The following TMEM268 variants were observed in gnomAD, a reference collection of about 807,000 sequenced individuals.
TMEM268 encodes transmembrane protein 268, also known as transmembrane protein C9orf91.
A neutral mutation model predicts 39.1 loss-of-function variants in TMEM268; 24 were observed. That is an observed-to-expected ratio of 0.61 (90% CI 0.44 to 0.86). The LOEUF (loss-of-function observed/expected upper bound fraction) is 0.86. Among genes scored for constraint, TMEM268 ranks in the 40% least tolerant of loss-of-function variants. The pLI, the probability that TMEM268 is intolerant of heterozygous loss-of-function variation, is 0.00. For missense variants in TMEM268, 409 were observed against 428.6 expected, an observed-to-expected ratio of 0.95 and a Z score of 0.40; for synonymous variants, 176 against 173.5, an observed-to-expected ratio of 1.01 and a Z score of -0.12.
intron 5 of TMEM268, among the ~76,000 whole-genome samples, chr9:114,629,673 A>G (rs1846307231): frequency 6.6e-6 from 1 of 152,156 alleles, no homozygotes; most frequent in African/African-American, 2.4e-5. Flanking sequence ...CTTTCCACCT[A>G]CTTGGGAAGC....
Position 114,624,454 on chromosome 9 carries a change from A to G in TMEM268, c.211A>G (p.Ile71Val), listed in dbSNP as rs1475024091. The change falls in exon 3 of 9, where the codon ATC becomes GTC. Residue 71 changes from isoleucine (I) to valine (V), a missense_variant. By Grantham distance (29) the Ile-to-Val change is conservative (BLOSUM62 3). Transcript: ENST00000288502. ...AGAAGAGCAACTGCAAACTTGGGGC[A>G]TCCAGGTGAGTGCTGATTTCCTTGA... ...AAEEQLQTWG[I>V]QVPADQYRSL... is the part of the protein sequence containing the mutation. 6.4e-7 allele frequency: 1 copy of G among 1,572,360 alleles called. No individual in the cohort carries two copies. The highest frequency in any genetic ancestry group is 1.8e-5 in the Admixed American group (1 of 54,166).
chr9:114,645,887 C>A lies in TMEM268; in HGVS notation c.*2574C>A, dbSNP rs527727443. On this transcript the variant is annotated 3_prime_UTR_variant, in exon 9 of 9. Transcript: ENST00000288502. Reference sequence around the variant, plus strand: ...ATCCCTATGATCTCTGTCTCACCTACTTTACAGGGTTGCTGTGAAGATCGC... The same window carrying A: ...ATCCCTATGATCTCTGTCTCACCTAATTTACAGGGTTGCTGTGAAGATCGC... The A allele has an allele frequency of 6.6e-6, 1 of 152,370 alleles. No individual in the cohort carries two copies. Among genetic ancestry groups the A allele is most frequent in the African/African-American group, 2.4e-5 (1 of 41,574 alleles). 9.4% of individuals were successfully genotyped at this position (152,370 alleles called of 1,614,324 possible). A position where few individuals can be genotyped will look rare whatever the true frequency, so the allele number is the denominator to read the frequency against.
Position 114,628,210 on chromosome 9 carries a change from C to G in TMEM268, c.434C>G (p.Thr145Ser). The change falls in exon 5 of 9, where the codon ACC (threonine) becomes AGC (serine). Residue 145 changes from threonine to serine, a missense_variant. Thr to Ser is a moderately conservative substitution (Grantham distance 58, BLOSUM62 1). Coordinates refer to ENST00000288502, the MANE Select transcript of TMEM268 (RefSeq NM_153045.4). ...GTGACCCTGGCCGCGGTGAGCCTGA[C>G]CTTGACTCTTGTGCTGGTCTTTGAA... ...LLVTLAAVSL[T>S]LTLVLVFERH... 1.2e-6 allele frequency: 2 copies of G among 1,614,184 alleles called. No individual in the cohort carries two copies. The highest frequency in any genetic ancestry group is 1.7e-6 in the Non-Finnish European group (2 of 1,180,044).
intron 8 of TMEM268, among the ~76,000 whole-genome samples, chr9:114,641,170 C>T (rs138348901): frequency 0.014 from 2,176 of 152,194 alleles, 94 homozygotes; most frequent in South Asian, 0.078. Context: ...GCCACCGCGC[C>T]CGGCCTCTAT....
chr9:114,609,824 G>A (rs1265240398), upstream of TMEM268, among the ~76,000 whole-genome samples: 1 of 136,046 alleles, frequency 7.4e-6, no homozygotes, highest in Non-Finnish European at 1.6e-5. Context: ...AAGAAACAAA[G>A]AAAGAAAGAG....
chr9:114,639,750 T>A (rs1168776124), intron 8 of TMEM268, among the ~76,000 whole-genome samples: 1 of 150,268 alleles, frequency 6.7e-6, no homozygotes, highest in Non-Finnish European at 1.5e-5. Flanking sequence ...GAACATGCGG[T>A]GGCTCGTGCC....
At chr9:114,641,011 G>T (rs1273766743) in intron 8 of TMEM268, among the ~76,000 whole-genome samples, 1 of 152,064 alleles carries the variant, frequency 6.6e-6, no homozygotes, top group Non-Finnish European at 1.5e-5. Flanking sequence ...AAGTAGCTAG[G>T]ATTACAGGCG....
chr9:114,611,781 C>T (rs912735041), intron 1 of TMEM268, among the ~76,000 whole-genome samples: 3 of 152,182 alleles, frequency 2.0e-5, no homozygotes, highest in Non-Finnish European at 4.4e-5. Context: ...TCTGACAAGC[C>T]TCCTGGGGGC....
At chr9:114,642,343 T>C (rs1177692706) in intron 8 of TMEM268, among the ~76,000 whole-genome samples, 2 of 149,040 alleles carry the variant, frequency 1.3e-5, no homozygotes, top group Non-Finnish European at 3.0e-5. Flanking sequence ...CTTTTTTCCC[T>C]TTTTTATGTT....
In TMEM268 at chr9:114,643,202, C is replaced by T. The variant is rs747279767; in HGVS notation, c.918C>T (p.Leu306=). The T allele has an allele frequency of 6.2e-7, 1 of 1,614,212 alleles. No individual in the cohort carries two copies. The highest frequency in any genetic ancestry group is 1.1e-5 in the South Asian group (1 of 91,086). The change falls in exon 9 of 9, where the codon CTC becomes CTT. Residue 306 remains leucine, a synonymous_variant. Coordinates refer to ENST00000288502, the MANE Select transcript of TMEM268 (RefSeq NM_153045.4). ...TCCGGCTTCTAGTGACCTCCCAGCT[C>T]CCTCAGGCAATGGGGACACGACACA... ...YYIRLLVTSQ[L]PQAMGTRHTN... is the part of the protein sequence containing the mutation.
In TMEM268 at chr9:114,631,676, C is replaced by G. The variant is rs191588135; in HGVS notation, c.475-2092C>G. On this transcript the variant is annotated intron_variant, in intron 5 of 8. Transcript: ENST00000288502. Reference sequence around the variant, plus strand: ...ATACAGATTTCTAGAAGGAAGAAATCCACATCAAATCCAAATCCACATCCA... The same window carrying G: ...ATACAGATTTCTAGAAGGAAGAAATGCACATCAAATCCAAATCCACATCCA... Among the ~76,000 whole-genome samples the G allele has an allele frequency of 3.7e-3, 561 of 152,224 alleles. 1 individual carries two copies. Among genetic ancestry groups the G allele is most frequent in the Non-Finnish European group, 5.5e-3 (371 of 68,002 alleles).
At chr9:114,633,616 G>A (rs1428073151) in intron 5 of TMEM268, 152 bp from the exon 6 acceptor site, 3 of 443,266 alleles carry the variant, frequency 6.8e-6, no homozygotes, top group Non-Finnish European at 1.2e-5. Flanking sequence ...CTCCACCCCC[G>A]ACCATTTAAT....
In TMEM268 at chr9:114,633,826, G is replaced by A. The variant is rs370841063; in HGVS notation, c.533G>A (p.Arg178Gln). Residue 178 changes from arginine to glutamine, a missense_variant, in exon 6 of 9, where the codon CGG becomes CAG. Coordinates refer to ENST00000288502, the MANE Select transcript of TMEM268 (RefSeq NM_153045.4). ...AAANGALLRH[R>Q]VLLGVTDTVE... ...GCCAATGGAGCCCTCCTGAGACACC[G>A]GGTGCTGCTGGGGGTGACAGACACA... 2.9e-5 allele frequency: 46 copies of A among 1,607,046 alleles called. No individual in the cohort carries two copies. Among genetic ancestry groups the A allele is most frequent in the Non-Finnish European group, 3.7e-5 (43 of 1,176,828 alleles).
chr9:114,621,597 GTT>G (rs1440416450), intron 2 of TMEM268, among the ~76,000 whole-genome samples: 1 of 152,158 alleles, frequency 6.6e-6, no homozygotes, highest in Non-Finnish European at 1.5e-5. Flanking sequence ...GTTATGGTAG[GTT>G]TAGCAGAGGA....
chr9:114,606,700 T>TCACC (rs200800707), upstream of TMEM268, among the ~76,000 whole-genome samples: 12,757 of 152,198 alleles, frequency 0.084, 597 homozygotes, highest in South Asian at 0.14. Flanking sequence ...TGTGGTGAAG[T>TCACC]CTGGATTTAA....
At chr9:114,608,465 C>T (rs933543312), upstream of TMEM268, among the ~76,000 whole-genome samples, 10 of 152,144 alleles carry the variant, frequency 6.6e-5, no homozygotes, top group Non-Finnish European at 1.0e-4. Context: ...ACTAAGTTCA[C>T]GCTGGAGTGA....
At position 114,638,773 on chromosome 9, in the gene TMEM268, T is replaced by G. The variant is rs370958004; in HGVS notation, c.849+47T>G. The G allele has an allele frequency of 5.5e-6, 8 of 1,445,582 alleles. No homozygotes were observed. In the African/African-American group the frequency reaches 5.8e-5, roughly 11 times the overall value. 89.5% of individuals were successfully genotyped at this position (1,445,582 alleles called of 1,614,324 possible). On this transcript the variant is annotated intron_variant, in intron 8 of 8. Transcript: ENST00000288502. Reference sequence around the variant, plus strand: ...TGGGGCCATCTTCCCTCGGGGGAATTTGCATAGAGAAAGCCTATGTGGGGG... The same window carrying G: ...TGGGGCCATCTTCCCTCGGGGGAATGTGCATAGAGAAAGCCTATGTGGGGG...
intron 5 of TMEM268, among the ~76,000 whole-genome samples, chr9:114,630,935 G>GTA (rs1846367388): frequency 6.7e-6 from 1 of 150,272 alleles, no homozygotes; most frequent in Non-Finnish European, 1.5e-5. Context: ...CATCCTCTCT[G>GTA]TTGTTACTTG....
upstream of TMEM268, among the ~76,000 whole-genome samples, chr9:114,607,472 A>G (rs1363675475): frequency 6.6e-6 from 1 of 152,144 alleles, no homozygotes; most frequent in African/African-American, 2.4e-5. Context: ...CTTGGGCAAC[A>G]TGGTAAAACC....
Sources: gnomAD v4.1 joint callset for allele counts (sites outside exome capture counted in the v4.1 genomes callset) on GRCh38, gnomAD v4.1.1 for gene constraint, MANE v1.5 for transcripts, NCBI Gene and HGNC (gene_info 2026-07-23, HGNC 2026-07-21) for gene names.